The following WRN variants were observed in gnomAD, a reference collection of about 807,000 sequenced individuals.
WRN encodes WRN RecQ like helicase.
WRN carries 149 observed loss-of-function variants against 180.7 expected under a neutral mutation model. The ratio of observed to expected loss-of-function variants is 0.82; its 90% CI spans 0.72 to 0.94. WRN has a LOEUF of 0.94. Among genes scored for constraint, WRN ranks in the 40% least tolerant of loss-of-function variants. WRN has a pLI of 0.00. For synonymous variants in WRN, 548 were observed against 568.9 expected (o/e 0.96, Z 0.52); for missense variants, 1,661 against 1,700.1 (o/e 0.98, Z 0.40).
chr8:31,156,560 A>G (rs1407899173), intron 32 of WRN, among the ~76,000 whole-genome samples: 1 of 152,212 alleles, frequency 6.6e-6, no homozygotes, highest in Admixed American at 6.5e-5. Flanking sequence ...GAAGGATGAA[A>G]AACATTGCCT....
At chr8:31,038,407 T>C (rs1461195323) in intron 1 of WRN, among the ~76,000 whole-genome samples, 1 of 150,496 alleles carries the variant, frequency 6.6e-6, no homozygotes. Context: ...TTTGCCCATT[T>C]TTTAATTGAG....
chr8:31,111,744 A>T lies in WRN; in HGVS notation c.2218A>T (p.Arg740Trp). 6.2e-7 allele frequency: 1 copy of T among 1,614,114 alleles called. No homozygotes were observed. The highest frequency in any genetic ancestry group is 2.2e-5 in the East Asian group (1 of 44,854). ...FDRPNLYLEV[R>W]RKTGNILQDL... ...TCGACCAAACCTGTATTTAGAAGTTAGGCGAAAAACAGGGAATATCCTTCA... is the reference window on the plus strand; with the variant it reads ...TCGACCAAACCTGTATTTAGAAGTTTGGCGAAAAACAGGGAATATCCTTCA... The change falls in exon 19 of 35, where the codon AGG (arginine) becomes TGG (tryptophan). Residue 740 changes from arginine (R) to tryptophan (W), a missense_variant. This residue lies in a region of WRN where 1,141 missense variants were observed against 1,149.4 expected (regional missense o/e 0.99). Coordinates refer to ENST00000298139, the MANE Select transcript of WRN (RefSeq NM_000553.6).
intron 19 of WRN, among the ~76,000 whole-genome samples, chr8:31,113,422 A>G (rs943938276): frequency 3.5e-4 from 53 of 152,114 alleles, no homozygotes; most frequent in Admixed American, 3.5e-3. Context: ...AATGGATCGA[A>G]TATATTCTGA....
intron 9 of WRN, among the ~76,000 whole-genome samples, chr8:31,081,826 T>C (rs563082122): frequency 1.3e-5 from 2 of 152,264 alleles, no homozygotes; most frequent in South Asian, 4.1e-4. Context: ...AGTGGTGGGA[T>C]CTTGGCCCCC....
At chr8:31,119,673 T>A (rs1801646082) in intron 20 of WRN, among the ~76,000 whole-genome samples, 1 of 152,006 alleles carries the variant, frequency 6.6e-6, no homozygotes, top group South Asian at 2.1e-4. Context: ...TATCTATTTG[T>A]ATTTTTATTG....
intron 19 of WRN, among the ~76,000 whole-genome samples, 154 bp downstream of exon 19, chr8:31,111,953 T>C (rs547692827): frequency 1.3e-5 from 2 of 152,332 alleles, no homozygotes; most frequent in East Asian, 1.9e-4. Flanking sequence ...CATGATGTTA[T>C]ATAATCAATT....
chr8:31,100,804 T>C (rs1289252121), intron 17 of WRN, 45 bp from the exon 18 acceptor site: 2 of 1,536,512 alleles, frequency 1.3e-6, no homozygotes, highest in Non-Finnish European at 1.8e-6. Context: ...TATTTTTTCC[T>C]TTCGAGCTTT....
intron 19 of WRN, among the ~76,000 whole-genome samples, chr8:31,115,744 A>G (rs1801493137): frequency 6.6e-6 from 1 of 152,232 alleles, no homozygotes; most frequent in Non-Finnish European, 1.5e-5. Context: ...TAAGTTGTTT[A>G]TACTTCTATG....
chr8:31,078,763 GCTA>G (rs957144892), intron 8 of WRN, among the ~76,000 whole-genome samples: 4 of 152,148 alleles, frequency 2.6e-5, no homozygotes, highest in African/African-American at 9.7e-5. Context: ...CTGTCTGCAG[GCTA>G]CTAATATGCA....
chr8:31,102,804 TAAAATTTTCTTTA>T (rs1800934497), intron 18 of WRN, among the ~76,000 whole-genome samples: 1 of 152,162 alleles, frequency 6.6e-6, no homozygotes, highest in African/African-American at 2.4e-5. Context: ...ACTAAATTTT[TAAAATTTTCTTTA>T]AAAATTTTCT....
At chr8:31,147,255 CA>C in intron 29 of WRN, 108 bp from the exon 30 acceptor site, 1 of 1,450,582 alleles carries the variant, frequency 6.9e-7, no homozygotes, top group South Asian at 1.2e-5. Context: ...GTTTATATTT[CA>C]GTTTATATTC....
At chr8:31,122,875 TTTTTTTTTTTC>T in intron 21 of WRN, among the ~76,000 whole-genome samples, 1 of 143,912 alleles carries the variant, frequency 6.9e-6, no homozygotes, top group Non-Finnish European at 1.5e-5. Flanking sequence ...TTTTTTTTTT[TTTTTTTTTTTC>T]TATAGGAGGG....
chr8:31,109,486 C>T lies in WRN; in HGVS notation c.2089-2129C>T, dbSNP rs114346303. 1.6e-3 allele frequency among the ~76,000 whole-genome samples: 245 copies of T among 152,166 alleles called. 1 individual carries two copies. Among genetic ancestry groups the T allele is most frequent in the African/African-American group, 5.4e-3 (224 of 41,520 alleles). On this transcript the variant is annotated intron_variant, in intron 18 of 34. Transcript: ENST00000298139. ...GGAAGGGTCTAACACATCATATAGC[C>T]GTCTCCATCTCATTTTTTTTGCTGA...
intron 23 of WRN, among the ~76,000 whole-genome samples, chr8:31,125,664 A>T (rs1432355994): frequency 1.4e-5 from 2 of 148,102 alleles, no homozygotes; most frequent in Non-Finnish European, 3.0e-5. Context: ...GGCAAGTCTG[A>T]AATTTGTAGA....
At chr8:31,147,883 C>CCTTT (rs1802928297) in intron 30 of WRN, among the ~76,000 whole-genome samples, 4 of 125,996 alleles carry the variant, frequency 3.2e-5, no homozygotes, top group African/African-American at 1.2e-4. Context: ...TCTTCTTCTT[C>CCTTT]ATTTTTTTTT....
intron 33 of WRN, among the ~76,000 whole-genome samples, chr8:31,158,863 C>T (rs889700355): frequency 4.0e-5 from 6 of 151,714 alleles, no homozygotes; most frequent in East Asian, 1.9e-4. Flanking sequence ...TCCAGGGATG[C>T]GGGGGAGTGG....
intron 2 of WRN, among the ~76,000 whole-genome samples, chr8:31,058,935 G>T (rs1812379974): frequency 1.3e-5 from 2 of 152,170 alleles, no homozygotes; most frequent in Non-Finnish European, 1.5e-5. Flanking sequence ...ATGAAAATGG[G>T]ATTAGAGGTT....
intron 21 of WRN, 74 bp downstream of exon 21, chr8:31,120,498 G>A (rs1053730519): frequency 4.6e-5 from 67 of 1,457,996 alleles, no homozygotes; most frequent in Non-Finnish European, 6.0e-5. Context: ...AAGTGTTTGA[G>A]GCTATTTCCA....
intron 23 of WRN, among the ~76,000 whole-genome samples, chr8:31,131,169 T>TTTTTTTTTTTTTTTTA (rs1802153775): frequency 1.3e-5 from 2 of 148,668 alleles, no homozygotes; most frequent in African/African-American, 4.9e-5. Context: ...TCTTTTTTTT[T>TTTTTTTTTTTTTTTTA]GAGACAGAGT....
Sources: allele counts gnomAD v4.1 joint callset (sites outside exome capture counted in the v4.1 genomes callset), GRCh38; gene constraint gnomAD v4.1.1; regional missense constraint gnomAD v4.1.1; transcripts MANE v1.5; gene names NCBI Gene and HGNC (gene_info 2026-07-23, HGNC 2026-07-21).